The following TMEM178A variants were observed in gnomAD, a reference collection of about 807,000 sequenced individuals.
TMEM178A encodes the protein transmembrane protein 178A, also known as transmembrane protein 178.
In TMEM178A, 12 loss-of-function variants were observed where a neutral mutation model predicts 29.1. That is an observed-to-expected ratio of 0.41 (90% confidence interval 0.26 to 0.67). The LOEUF (loss-of-function observed/expected upper bound fraction) is 0.67. Ranked by LOEUF, TMEM178A falls within the 30% of genes least tolerant of loss-of-function variation. TMEM178A has a pLI of 0.29. For synonymous variants in TMEM178A, 210 were observed against 187.2 expected (o/e 1.12, Z -0.99); for missense variants, 366 against 419.1 (o/e 0.87, Z 1.11).
chr2:39,674,185 C>T (rs189805606), intron 1 of TMEM178A, among the ~76,000 whole-genome samples: 5 of 152,042 alleles, frequency 3.3e-5, no homozygotes, highest in African/African-American at 1.2e-4. Context: ...CCAACATCAA[C>T]GGTTCAATAT....
intron 1 of TMEM178A, among the ~76,000 whole-genome samples, chr2:39,687,807 C>T (rs1295859274): frequency 6.6e-6 from 1 of 152,252 alleles, no homozygotes; most frequent in Admixed American, 6.5e-5. Flanking sequence ...TCCTTGTTCA[C>T]TTGAAAGGGT....
intron 1 of TMEM178A, among the ~76,000 whole-genome samples, chr2:39,684,360 A>G (rs1157304150): frequency 6.6e-6 from 1 of 152,224 alleles, no homozygotes; most frequent in South Asian, 2.1e-4. Flanking sequence ...GAAAAAAATA[A>G]TCTGTTATCC....
intron 1 of TMEM178A, among the ~76,000 whole-genome samples, chr2:39,679,987 GT>G (rs1423673116): frequency 6.6e-6 from 1 of 152,050 alleles, no homozygotes; most frequent in African/African-American, 2.4e-5. Context: ...TCAAGCAGAG[GT>G]GGCTCTTCAA....
At chr2:39,702,918 C>T (rs1473629218) in intron 1 of TMEM178A, among the ~76,000 whole-genome samples, 3 of 152,036 alleles carry the variant, frequency 2.0e-5, no homozygotes, top group Non-Finnish European at 2.9e-5. Flanking sequence ...TTTTAACGAG[C>T]CACCTAGGTG....
At chr2:39,718,577 C>T (rs1428795384), downstream of TMEM178A, among the ~76,000 whole-genome samples, 1 of 152,206 alleles carries the variant, frequency 6.6e-6, no homozygotes, top group African/African-American at 2.4e-5. Context: ...GTGCCAGTAA[C>T]TGGGCTGTGG....
At chr2:39,730,059 C>G in the TMEM178A span, among the ~76,000 whole-genome samples, 7 of 152,180 alleles carry the variant, frequency 4.6e-5, no homozygotes, top group Non-Finnish European at 1.5e-5. Flanking sequence ...ACATACCTCT[C>G]TCTGATTACT....
chr2:39,685,728 C>G (rs182958555), intron 1 of TMEM178A, among the ~76,000 whole-genome samples: 1 of 152,314 alleles, frequency 6.6e-6, no homozygotes, highest in East Asian at 1.9e-4. Flanking sequence ...TTATCAGCCC[C>G]ATTTTTCACA....
chr2:39,710,690 G>A (rs1197994916), intron 3 of TMEM178A, among the ~76,000 whole-genome samples: 4 of 151,874 alleles, frequency 2.6e-5, no homozygotes, highest in African/African-American at 4.8e-5. Context: ...AGTAGGAGAT[G>A]AGAGCAAAAA....
the TMEM178A span, among the ~76,000 whole-genome samples, chr2:39,724,780 A>G: frequency 2.0e-5 from 3 of 152,226 alleles, no homozygotes; most frequent in Non-Finnish European, 2.9e-5. Context: ...AAGATCTCTC[A>G]GCCAGTCTCT....
At chr2:39,718,152 A>T (rs2148122926), downstream of TMEM178A, among the ~76,000 whole-genome samples, 1 of 152,112 alleles carries the variant, frequency 6.6e-6, no homozygotes, top group East Asian at 1.9e-4. Flanking sequence ...TGTCATTTTC[A>T]AACTTGTTTT....
At chr2:39,693,107 C>G (rs1348115234) in intron 1 of TMEM178A, among the ~76,000 whole-genome samples, 1 of 152,088 alleles carries the variant, frequency 6.6e-6, no homozygotes, top group Non-Finnish European at 1.5e-5. Flanking sequence ...GAGCGAGACT[C>G]TGTTTCAAAA....
chr2:39,690,842 C>G (rs1671284842), intron 1 of TMEM178A, among the ~76,000 whole-genome samples: 2 of 152,130 alleles, frequency 1.3e-5, no homozygotes, highest in African/African-American at 4.8e-5. Flanking sequence ...TAAATGAAAT[C>G]AGGAATACGA....
At chr2:39,702,235 C>T (rs943443778) in intron 1 of TMEM178A, among the ~76,000 whole-genome samples, 5 of 152,196 alleles carry the variant, frequency 3.3e-5, no homozygotes, top group South Asian at 2.1e-4. Context: ...CTTTCCTGAA[C>T]GAATCCTATG....
In TMEM178A at chr2:39,704,124, G is replaced by A; in HGVS notation, c.444G>A (p.Gln148=). The change falls in exon 2 of 4, where the codon CAG becomes CAA. Residue 148 remains glutamine (Q), a synonymous_variant. Transcript: ENST00000281961. ...RCTAIKYHFS[Q]PIRLRNIPFN... is the part of the protein sequence containing the mutation. Reference sequence around the variant, plus strand: ...CGGCCATCAAGTACCACTTTTCTCAGCCCATCCGCTTGCGAAACATTCCTT... The same window carrying A: ...CGGCCATCAAGTACCACTTTTCTCAACCCATCCGCTTGCGAAACATTCCTT... 1 of 1,614,100 alleles carries A rather than the reference G, an allele frequency of 6.2e-7. No homozygotes were observed. The highest frequency in any genetic ancestry group is 8.5e-7 in the Non-Finnish European group (1 of 1,180,010).
chr2:39,719,484 A>T (rs1000658168), downstream of TMEM178A, among the ~76,000 whole-genome samples: 1 of 152,206 alleles, frequency 6.6e-6, no homozygotes, highest in African/African-American at 2.4e-5. Context: ...CTTCCAGCCA[A>T]AGTGAGCTCG....
At chr2:39,728,374 C>T in the TMEM178A span, among the ~76,000 whole-genome samples, 2 of 152,106 alleles carry the variant, frequency 1.3e-5, no homozygotes, top group Non-Finnish European at 2.9e-5. Flanking sequence ...GAATGGTTTC[C>T]GAGTGTCCCT....
intron 1 of TMEM178A, among the ~76,000 whole-genome samples, chr2:39,675,296 A>G (rs1383257427): frequency 6.6e-6 from 1 of 152,130 alleles, no homozygotes; most frequent in Non-Finnish European, 1.5e-5. Flanking sequence ...AGGCACCACC[A>G]CTGATTTGGA....
At chr2:39,718,910 T>TAA (rs1224313052), downstream of TMEM178A, among the ~76,000 whole-genome samples, 6 of 152,262 alleles carry the variant, frequency 3.9e-5, no homozygotes, top group East Asian at 9.6e-4. Context: ...TTTGATTTCA[T>TAA]AAAAGATTCT....
chr2:39,712,992 A>C, intron 3 of TMEM178A, among the ~76,000 whole-genome samples: 1 of 152,218 alleles, frequency 6.6e-6, no homozygotes, highest in East Asian at 1.9e-4. Flanking sequence ...GGTAGAACTC[A>C]ATGTATTGCA....
Sources: gnomAD v4.1 joint callset for allele counts (sites outside exome capture counted in the v4.1 genomes callset) on GRCh38, gnomAD v4.1.1 for gene constraint, MANE v1.5 for transcripts, NCBI Gene and HGNC (gene_info 2026-07-23, HGNC 2026-07-21) for gene names.